CFAP65: variants seen among roughly 807,000 people sequenced by gnomAD.
CFAP65 encodes the protein cilia and flagella associated protein 65.
In CFAP65, 155 loss-of-function variants were observed where a neutral mutation model predicts 208.0. That is an observed-to-expected ratio of 0.75 (90% CI 0.65 to 0.85). The LOEUF is 0.85. Ranked by LOEUF, CFAP65 falls within the 40% of genes least tolerant of loss-of-function variation. The probability of loss-of-function intolerance (pLI) is 0.00; values close to 1 mark genes in which losing one functional copy is unlikely to be tolerated. For synonymous variants in CFAP65, 970 were observed against 986.3 expected, an observed-to-expected ratio of 0.98 and a Z score of 0.31; for missense variants, 2,294 against 2,451.3, an observed-to-expected ratio of 0.94 and a Z score of 1.36.
intron 27 of CFAP65, 29 bp downstream of exon 27, chr2:219,009,913 G>T: frequency 6.3e-7 from 1 of 1,587,032 alleles, no homozygotes; most frequent in Non-Finnish European, 8.6e-7. Context: ...GAGCTCTGAT[G>T]GAGGTTCCAG....
intron 26 of CFAP65, among the ~76,000 whole-genome samples, chr2:219,010,295 G>A (rs1202887687): frequency 6.6e-6 from 1 of 152,134 alleles, no homozygotes; most frequent in Non-Finnish European, 1.5e-5. Flanking sequence ...GTGGGATGGA[G>A]GGCCCTGAGG....
rs1228178817 is a variant in CFAP65 at position 219,010,826 on chromosome 2, A to T, written c.4128T>A (p.Pro1376=). The part of the protein sequence containing the change: ...STARVLWIFS[P]IEAKTYTVDV... The stretch of plus-strand genomic sequence containing the variant: ...TCACCGTGTAGGTCTTGGCCTCGAT[A>T]GGTGAGAAGATCCACAAGACCCGGG... Residue 1376 remains proline (P), a synonymous_variant, in exon 25 of 35, where the codon CCT becomes CCA. Coordinates refer to ENST00000341552, the MANE Select transcript of CFAP65 (RefSeq NM_194302.4). The T allele has an allele frequency of 6.2e-7, 1 of 1,606,728 alleles. No homozygotes were observed. Among genetic ancestry groups the T allele is most frequent in the East Asian group, 2.2e-5 (1 of 44,608 alleles).
chr2:219,003,276 C>A lies in CFAP65; in HGVS notation c.5556-4G>T. ...CAGGTTGGCGAAGGCCGGGAGCCTG[C>A]GAGGGGGCGGGGGCTAGCATGAGGG... is the stretch of plus-strand genomic sequence containing the variant. On this transcript the variant is annotated splice_polypyrimidine_tract_variant and splice_region_variant and intron_variant, in intron 33 of 34. Transcript: ENST00000341552. The surrounding 1 kb of genome is among the most constrained non-coding windows in gnomAD (Gnocchi z 4.4). The A allele has an allele frequency of 6.5e-7, 1 of 1,529,766 alleles. No homozygotes were observed. Among genetic ancestry groups the A allele is most frequent in the Non-Finnish European group, 8.8e-7 (1 of 1,136,544 alleles). The allele number at this position is 1,529,766 out of a possible 1,614,324, so 94.8% of individuals were successfully genotyped here. A position where few individuals can be genotyped will look rare whatever the true frequency, so the allele number is the denominator to read the frequency against.
chr2:219,025,981 C>T (rs1947603557), intron 14 of CFAP65, 41 bp downstream of exon 14: 4 of 1,605,364 alleles, frequency 2.5e-6, no homozygotes, highest in Middle Eastern at 1.7e-4. Flanking sequence ...GAAGCTAGGG[C>T]TCCCCTGTCT....
Position 219,004,331 on chromosome 2 carries a change from A to G in CFAP65, c.5176T>C (p.Tyr1726His). The change falls in exon 33 of 35, where the codon TAC (tyrosine) becomes CAC (histidine). Residue 1726 changes from tyrosine to histidine, a missense_variant. Tyr to His is a moderately conservative substitution (Grantham distance 83). Coordinates refer to ENST00000341552, the MANE Select transcript of CFAP65 (RefSeq NM_194302.4). The surrounding 1 kb of genome is among the most constrained non-coding windows in gnomAD (Gnocchi z 4.7). ...GGTACAGGCAGGATTGGCATTAAGT[A>G]CAGGCTGTTTTTCTGGTCCATGAAC... ...TKFMDQKNSL[Y>H]LMPILPVPSS... 6.2e-7 allele frequency: 1 copy of G among 1,614,040 alleles called. No homozygotes were observed. Among genetic ancestry groups the G allele is most frequent in the Non-Finnish European group, 8.5e-7 (1 of 1,180,024 alleles).
At chr2:219,038,250 G>A (rs531227520) in intron 4 of CFAP65, 125 bp downstream of exon 4, 239 of 834,150 alleles carry the variant, frequency 2.9e-4, no homozygotes, top group Non-Finnish European at 3.7e-4. Context: ...TCTAGACAAG[G>A]TCTAGTGCTC....
Position 219,003,221 on chromosome 2 carries a change from C to A in CFAP65, c.5607G>T (p.Gln1869His), listed in dbSNP as rs374766845. 5.2e-6 allele frequency: 8 copies of A among 1,548,618 alleles called. No homozygotes were observed. Reference sequence around the variant, plus strand: ...CGCGGCTCGCCTCCACCAGGATGTTCTGGATCATGTTCTCCAGCAGCGCCT... The same window carrying A: ...CGCGGCTCGCCTCCACCAGGATGTTATGGATCATGTTCTCCAGCAGCGCCT... ...LQEALLENMI[Q>H]NILVEASRGE... Residue 1869 changes from glutamine to histidine, a missense_variant, in exon 34 of 35, where the codon CAG becomes CAT. Physicochemically the swap from Gln to His is conservative, Grantham distance 24. This residue lies in a region of CFAP65 where 1,427 missense variants were observed against 1,438.7 expected (regional missense o/e 0.99). Transcript: ENST00000341552. This position sits in a 1 kb window ranked among gnomAD's most constrained non-coding sequence, Gnocchi z 4.4.
chr2:219,021,617 T>G (rs1458946560), intron 18 of CFAP65, among the ~76,000 whole-genome samples, 163 bp downstream of exon 18: 2 of 152,156 alleles, frequency 1.3e-5, no homozygotes, highest in African/African-American at 4.8e-5. Context: ...GTGATCATAG[T>G]GCACTGCAGC....
intron 21 of CFAP65, chr2:219,014,258 C>A: frequency 2.4e-6 from 1 of 423,560 alleles, no homozygotes; most frequent in East Asian, 3.6e-5. Flanking sequence ...AGACTCTGGG[C>A]CACGGCGACT....
At chr2:219,016,930 G>T (rs1185737189) in intron 21 of CFAP65, among the ~76,000 whole-genome samples, 1 of 152,246 alleles carries the variant, frequency 6.6e-6, no homozygotes, top group Non-Finnish European at 1.5e-5. Flanking sequence ...CAGCCACGCG[G>T]TGTACACACC....
At chr2:219,028,668 A>G (rs74744029) in intron 11 of CFAP65, among the ~76,000 whole-genome samples, 6,793 of 152,080 alleles carry the variant, frequency 0.045, 252 homozygotes, top group African/African-American at 0.095. Flanking sequence ...GCCCCTGGGC[A>G]TTCTCCCACC....
chr2:219,041,413 G>A, intron 1 of CFAP65, 75 bp downstream of exon 1: 2 of 1,494,596 alleles, frequency 1.3e-6, no homozygotes, highest in Non-Finnish European at 1.8e-6. Flanking sequence ...GGGTCTCCCG[G>A]GACAGATACC....
intron 13 of CFAP65, chr2:219,026,468 A>C: frequency 4.0e-6 from 1 of 252,988 alleles, no homozygotes. Flanking sequence ...CAATAGAAAT[A>C]TCACGTGAGC....
intron 20 of CFAP65, 68 bp from the exon 21 acceptor site, chr2:219,019,247 C>G (rs1947112318): frequency 6.6e-7 from 1 of 1,523,652 alleles, no homozygotes; most frequent in African/African-American, 1.4e-5. Flanking sequence ...CCAGGGATGG[C>G]TGGCTTGGGC....
At position 219,005,495 on chromosome 2, in the gene CFAP65, A is replaced by G. The variant is rs1281145967; in HGVS notation, c.4990T>C (p.Trp1664Arg). The G allele has an allele frequency of 1.2e-6, 2 of 1,613,438 alleles. No homozygotes were observed. Among genetic ancestry groups the G allele is most frequent in the Non-Finnish European group, 1.7e-6 (2 of 1,179,944 alleles). ...TTCTTCTGCTTGGAAACAGGGCCCC[A>G]CTTGTTAGGGGATTTTTCCTCAGAA... ...ETSEEKSPNK[W>R]GPVSKQKKQL... The change falls in exon 32 of 35, where the codon TGG becomes CGG. Residue 1664 changes from tryptophan to arginine, a missense_variant. Trp to Arg is a moderately radical substitution (Grantham distance 101). Coordinates refer to ENST00000341552, the MANE Select transcript of CFAP65 (RefSeq NM_194302.4).
chr2:219,041,541 T>C (rs1262776969), upstream of CFAP65: 6 of 1,550,504 alleles, frequency 3.9e-6, no homozygotes, highest in South Asian at 3.6e-5. Context: ...AAACGGCGTC[T>C]TCAGATATCC....
At chr2:219,027,077 G>T in intron 13 of CFAP65, 1 of 1,032,834 alleles carries the variant, frequency 9.7e-7, no homozygotes, top group Non-Finnish European at 1.2e-6. Flanking sequence ...TCTGGGCAAG[G>T]GCAGTGGGGT....
chr2:219,006,084 G>A lies in CFAP65; in HGVS notation c.4859C>T (p.Ala1620Val), dbSNP rs1945951321. The A allele has an allele frequency of 6.2e-7, 1 of 1,613,456 alleles. No homozygotes were observed. Among genetic ancestry groups the A allele is most frequent in the Non-Finnish European group, 8.5e-7 (1 of 1,180,034 alleles). ...AGCCAGAAAGTAGTCGGTGGCATGG[G>A]CTCGGGCAGTAAGGCCCAGGCAGAG... ...GMLCLGLTAR[A>V]HATDYFLANF... Residue 1620 changes from alanine to valine, a missense_variant, in exon 31 of 35, where the codon GCC becomes GTC. By Grantham distance (64) the Ala-to-Val change is moderately conservative. This residue lies in a region of CFAP65 where 1,427 missense variants were observed against 1,438.7 expected (regional missense o/e 0.99). Coordinates refer to ENST00000341552, the MANE Select transcript of CFAP65 (RefSeq NM_194302.4).
rs781011075 is a variant in CFAP65, at chr2:219,029,679, G to A, written c.1385-11C>T. 3.7e-6 allele frequency: 6 copies of A among 1,610,290 alleles called. No individual in the cohort carries two copies. The highest frequency in any genetic ancestry group is 3.3e-5 in the South Asian group (3 of 90,774). On this transcript the variant is annotated splice_polypyrimidine_tract_variant and intron_variant, in intron 10 of 34. Transcript: ENST00000341552. The stretch of plus-strand genomic sequence containing the variant: ...GGGACACAGCAGGGCCTGGACACAG[G>A]AGATGGGGTATCAGCTTCCCCAAGG...
Sources: allele counts gnomAD v4.1 joint callset (sites outside exome capture counted in the v4.1 genomes callset), GRCh38; gene constraint gnomAD v4.1.1; regional missense constraint gnomAD v4.1.1; non-coding constraint Gnocchi (gnomAD v3.1); transcripts MANE v1.5; gene names NCBI Gene and HGNC (gene_info 2026-07-23, HGNC 2026-07-21).